PCLAF: variants seen among roughly 807,000 people sequenced by gnomAD.
PCLAF encodes PCNA clamp associated factor, also known as PCNA-associated factor.
In PCLAF, 12 loss-of-function variants were observed where a neutral mutation model predicts 15.1. The observed-to-expected ratio is 0.79, with a 90% CI of 0.51 to 1.29. The LOEUF is 1.29. Among genes scored for constraint, PCLAF ranks in the 50% most tolerant of loss-of-function variants. The pLI is 0.00. For missense variants in PCLAF, 116 were observed against 130.9 expected, an observed-to-expected ratio of 0.89 and a Z score of 0.56; for synonymous variants, 33 against 47.1, an observed-to-expected ratio of 0.70 and a Z score of 1.22.
At chr15:64,371,817 G>C (rs1476488077) in intron 3 of PCLAF, among the ~76,000 whole-genome samples, 2 of 151,284 alleles carry the variant, frequency 1.3e-5, no homozygotes, top group Non-Finnish European at 3.0e-5. Context: ...GGATGGTTTC[G>C]AACTCCTGGC....
chr15:64,369,526 A>G (rs1899193452), intron 3 of PCLAF, among the ~76,000 whole-genome samples: 2 of 152,014 alleles, frequency 1.3e-5, no homozygotes, highest in African/African-American at 4.8e-5. Context: ...CTCAATTACT[A>G]TTTACTAAAT....
At chr15:64,369,061 C>T (rs1044436930) in intron 3 of PCLAF, among the ~76,000 whole-genome samples, 3 of 152,122 alleles carry the variant, frequency 2.0e-5, no homozygotes, top group Non-Finnish European at 2.9e-5. Context: ...AAAGCTTTAT[C>T]CAAAATGTAT....
chr15:64,376,282 T>A (rs911624399), intron 3 of PCLAF, among the ~76,000 whole-genome samples: 4 of 152,030 alleles, frequency 2.6e-5, no homozygotes, highest in Admixed American at 6.6e-5. Context: ...TTAGAAGAAG[T>A]TTTTAAAAAC....
upstream of PCLAF, among the ~76,000 whole-genome samples, chr15:64,383,865 C>G (rs1024163772): frequency 3.3e-5 from 5 of 151,816 alleles, no homozygotes; most frequent in African/African-American, 1.2e-4. Context: ...CTACATATTA[C>G]TATAGTTGTG....
intron 3 of PCLAF, among the ~76,000 whole-genome samples, chr15:64,369,301 C>G (rs1899179390): frequency 7.0e-6 from 1 of 142,096 alleles, no homozygotes; most frequent in South Asian, 2.2e-4. Flanking sequence ...GTCAAGGCTA[C>G]AGCGAGCTAT....
chr15:64,387,152 C>T (rs896582243), intron 1 of PCLAF, among the ~76,000 whole-genome samples: 4 of 151,780 alleles, frequency 2.6e-5, no homozygotes. Context: ...ATCTAGTAGT[C>T]GACTACAGGG....
chr15:64,365,865 T>C lies in PCLAF; in HGVS notation c.*165A>G, dbSNP rs1322580891. ...AAGTTACCATAATTAGTCTTACAAATTCTCAAATTTCACAACTACTTTTGA... is the reference window on the plus strand; with the variant it reads ...AAGTTACCATAATTAGTCTTACAAACTCTCAAATTTCACAACTACTTTTGA... On this transcript the variant is annotated 3_prime_UTR_variant, in exon 4 of 4. Transcript: ENST00000300035. 1.3e-5 allele frequency: 8 copies of C among 632,016 alleles called. No individual in the cohort carries two copies. The highest frequency in any genetic ancestry group is 2.2e-5 in the Non-Finnish European group (8 of 361,050). 39.2% of individuals were successfully genotyped at this position (632,016 alleles called of 1,614,324 possible). A position where few individuals can be genotyped will look rare whatever the true frequency, so the allele number is the denominator to read the frequency against.
At chr15:64,387,205 C>A (rs1247474870) in intron 1 of PCLAF, among the ~76,000 whole-genome samples, 1 of 151,844 alleles carries the variant, frequency 6.6e-6, no homozygotes, top group Admixed American at 6.6e-5. Flanking sequence ...CACGTGAAAC[C>A]GCGTCGCTAC....
chr15:64,374,320 T>C (rs1179156817), intron 3 of PCLAF, among the ~76,000 whole-genome samples: 1 of 151,990 alleles, frequency 6.6e-6, no homozygotes, highest in African/African-American at 2.4e-5. Context: ...GGCGGGCAGA[T>C]CATGAGGTCA....
chr15:64,383,233 A>C (rs1416046007), upstream of PCLAF, among the ~76,000 whole-genome samples: 1 of 152,212 alleles, frequency 6.6e-6, no homozygotes, highest in African/African-American at 2.4e-5. Context: ...TGTATTGGCA[A>C]TTACCTGTAG....
intron 3 of PCLAF, among the ~76,000 whole-genome samples, chr15:64,374,359 A>G (rs1307606167): frequency 6.6e-6 from 1 of 151,324 alleles, no homozygotes; most frequent in African/African-American, 2.4e-5. Context: ...TAACACGGTG[A>G]AATCCCATCT....
rs1277532626 is a variant in PCLAF, at chr15:64,381,147, G to C, written c.47-109C>G. 10 of 1,250,810 alleles carry C rather than the reference G, an allele frequency of 8.0e-6. No individual in the cohort carries two copies. In the African/African-American group the frequency reaches 1.5e-4, roughly 19 times the overall value. The allele number at this position is 1,250,810 out of a possible 1,614,324, so 77.5% of individuals were successfully genotyped here. A position where few individuals can be genotyped will look rare whatever the true frequency, so the allele number is the denominator to read the frequency against. ...AGAGCCTGGCGATCCAGAACAGCAG[G>C]ATAACCTTACCCTGCCCCTGCGACT... On this transcript the variant is annotated intron_variant, in intron 1 of 3. Coordinates refer to ENST00000300035, the MANE Select transcript of PCLAF (RefSeq NM_014736.6).
At chr15:64,381,268 G>A in intron 1 of PCLAF, 58 bp downstream of exon 1, 6 of 1,595,262 alleles carry the variant, frequency 3.8e-6, no homozygotes, top group South Asian at 1.1e-5. Flanking sequence ...TCTGTCGCCC[G>A]TGGCCAGGCT....
chr15:64,383,902 A>T (rs1234555407), upstream of PCLAF, among the ~76,000 whole-genome samples: 19 of 152,094 alleles, frequency 1.2e-4, no homozygotes, highest in Admixed American at 1.2e-3. Flanking sequence ...CATGTTTGTC[A>T]TTTTAACACC....
upstream of PCLAF, among the ~76,000 whole-genome samples, chr15:64,385,244 ATAT>A (rs1899911194): frequency 1.3e-5 from 2 of 152,128 alleles, no homozygotes; most frequent in African/African-American, 4.8e-5. Context: ...ATACTAAATT[ATAT>A]TATATGAAAA....
At chr15:64,383,336 C>T (rs1424888467), upstream of PCLAF, among the ~76,000 whole-genome samples, 1 of 151,776 alleles carries the variant, frequency 6.6e-6, no homozygotes, top group Non-Finnish European at 1.5e-5. Flanking sequence ...GTCCTCATGG[C>T]CCATCTCATT....
chr15:64,371,266 CT>C (rs1026981927), intron 3 of PCLAF, among the ~76,000 whole-genome samples: 114 of 135,744 alleles, frequency 8.4e-4, no homozygotes, highest in Middle Eastern at 4.7e-3. Context: ...CTGCACTTGG[CT>C]TTTTTTTTTT....
chr15:64,371,266 CTT>C (rs1026981927), intron 3 of PCLAF, among the ~76,000 whole-genome samples: 1 of 135,986 alleles, frequency 7.4e-6, no homozygotes. Flanking sequence ...CTGCACTTGG[CTT>C]TTTTTTTTTT....
upstream of PCLAF, among the ~76,000 whole-genome samples, chr15:64,385,211 G>A (rs190446909): frequency 6.6e-6 from 1 of 152,062 alleles, no homozygotes; most frequent in African/African-American, 2.4e-5. Flanking sequence ...TCTGGAGGAC[G>A]TACTTATCAT....
Sources: gnomAD v4.1 joint callset for allele counts (sites outside exome capture counted in the v4.1 genomes callset) on GRCh38, gnomAD v4.1.1 for gene constraint, MANE v1.5 for transcripts, NCBI Gene and HGNC (gene_info 2026-07-23, HGNC 2026-07-21) for gene names.